The following ZNF148 variants were observed in gnomAD, a reference collection of about 807,000 sequenced individuals.
ZNF148 encodes zinc finger protein 148, also known as Beta-Enolase Repressor Factor-1.
In ZNF148, 7 loss-of-function variants were observed where a neutral mutation model predicts 67.7. The observed-to-expected ratio is 0.10, with a 90% confidence interval of 0.06 to 0.19. The LOEUF is 0.19. Among genes scored for constraint, ZNF148 ranks in the 10% least tolerant of loss-of-function variants. ZNF148 has a pLI of 1.00. For missense variants in ZNF148, 583 were observed against 947.1 expected (o/e 0.62, Z 5.05); for synonymous variants, 333 against 330.7 (o/e 1.01, Z -0.08).
rs1486816462 is a variant in ZNF148, at chr3:125,246,694, GATTATA to G, written c.668-12371_668-12366del. On this transcript the variant is annotated intron_variant, in intron 7 of 8. Transcript: ENST00000360647. ...TACATATTGATTATACGTACATACT[GATTATA>G]ATTATAACCATACTTACATATTGAT... 2.0e-5 allele frequency among the ~76,000 whole-genome samples: 3 copies of G among 152,176 alleles called. No homozygotes were observed. The East Asian group carries it at 5.8e-4, about 29-fold the overall frequency.
At chr3:125,299,221 T>C (rs996256439) in intron 4 of ZNF148, among the ~76,000 whole-genome samples, 6 of 152,244 alleles carry the variant, frequency 3.9e-5, no homozygotes, top group Admixed American at 3.9e-4. Context: ...CTACATACCC[T>C]GTCCTAAATG....
At chr3:125,240,328 G>C (rs1348156269) in intron 7 of ZNF148, among the ~76,000 whole-genome samples, 4 of 152,056 alleles carry the variant, frequency 2.6e-5, no homozygotes, top group Non-Finnish European at 5.9e-5. Context: ...ACACCCCCAA[G>C]CCACCGTCTC....
At chr3:125,300,560 C>T (rs972224495) in intron 4 of ZNF148, among the ~76,000 whole-genome samples, 2 of 152,248 alleles carry the variant, frequency 1.3e-5, no homozygotes, top group Admixed American at 6.5e-5. Context: ...CACGAAAATG[C>T]GTAACAGTAT....
At chr3:125,369,459 G>A (rs1005600021) in intron 1 of ZNF148, among the ~76,000 whole-genome samples, 1 of 138,824 alleles carries the variant, frequency 7.2e-6, no homozygotes, top group Non-Finnish European at 1.5e-5. Context: ...ACCATGTTTC[G>A]CTCACCTTTA....
At chr3:125,298,346 T>TACACACACACACACACACACACACACAC (rs141809192) in intron 4 of ZNF148, among the ~76,000 whole-genome samples, 170 of 145,752 alleles carry the variant, frequency 1.2e-3, no homozygotes, top group African/African-American at 3.5e-3. Flanking sequence ...TAAATGTGCA[T>TACACACACACACACACACACACACACAC]ACACACACAC....
chr3:125,267,183 G>A (rs1202524270), intron 7 of ZNF148, among the ~76,000 whole-genome samples: 1 of 150,912 alleles, frequency 6.6e-6, no homozygotes, highest in African/African-American at 2.4e-5. Flanking sequence ...AAAAATCAAG[G>A]AGAAGGGATT....
At chr3:125,309,731 G>A (rs1253988572) in intron 4 of ZNF148, among the ~76,000 whole-genome samples, 1 of 152,200 alleles carries the variant, frequency 6.6e-6, no homozygotes, top group Non-Finnish European at 1.5e-5. Context: ...CATCTCGTTT[G>A]GAAAGATCAC....
chr3:125,331,055 A>G, intron 2 of ZNF148, 103 bp downstream of exon 2: 1 of 397,856 alleles, frequency 2.5e-6, no homozygotes, highest in Non-Finnish European at 4.4e-6. Context: ...GGGATTGGCC[A>G]TAAATGCACA....
chr3:125,328,168 T>G (rs959725879), intron 2 of ZNF148, among the ~76,000 whole-genome samples: 2 of 152,100 alleles, frequency 1.3e-5, no homozygotes, highest in African/African-American at 4.8e-5. Context: ...AAAGTCAAAG[T>G]ATAAGTTAGA....
At chr3:125,313,962 T>C (rs1474809056) in intron 3 of ZNF148, among the ~76,000 whole-genome samples, 2 of 152,058 alleles carry the variant, frequency 1.3e-5, no homozygotes, top group Non-Finnish European at 2.9e-5. Context: ...TCCATATTCT[T>C]TAATATATTA....
intron 2 of ZNF148, among the ~76,000 whole-genome samples, chr3:125,325,921 G>A (rs530779412): frequency 5.9e-5 from 9 of 152,222 alleles, no homozygotes; most frequent in African/African-American, 1.4e-4. Flanking sequence ...CTTGAAAGCA[G>A]GAAGAGAATA....
At chr3:125,351,784 G>T (rs1467333752) in intron 1 of ZNF148, among the ~76,000 whole-genome samples, 2 of 152,130 alleles carry the variant, frequency 1.3e-5, no homozygotes, top group East Asian at 3.8e-4. Context: ...TGGCCAATAA[G>T]CAGATGAAAT....
intron 1 of ZNF148, among the ~76,000 whole-genome samples, chr3:125,331,763 C>T (rs564277522): frequency 2.0e-5 from 3 of 152,212 alleles, no homozygotes; most frequent in Non-Finnish European, 2.9e-5. Flanking sequence ...AATGGTCCAT[C>T]GATATTTTTT....
intron 3 of ZNF148, among the ~76,000 whole-genome samples, chr3:125,321,037 T>A (rs1178760768): frequency 1.3e-5 from 2 of 152,222 alleles, no homozygotes; most frequent in Non-Finnish European, 2.9e-5. Context: ...TTTGCTTTCA[T>A]CCTTGAAAAG....
At chr3:125,291,047 C>T (rs532480186) in intron 4 of ZNF148, among the ~76,000 whole-genome samples, 14 of 152,216 alleles carry the variant, frequency 9.2e-5, no homozygotes, top group African/African-American at 2.9e-4. Context: ...TGTTGCCAGA[C>T]ACAATGTGAT....
chr3:125,333,591 A>C (rs942477312), intron 1 of ZNF148, among the ~76,000 whole-genome samples: 1 of 152,222 alleles, frequency 6.6e-6, no homozygotes, highest in African/African-American at 2.4e-5. Context: ...ACAAAAAGAC[A>C]GATAGAAAAT....
In ZNF148 at chr3:125,326,725, TATAA is replaced by T. The variant is rs200382865; in HGVS notation, c.-152-3285_-152-3282del. ...GTATATATATCTTTTTATATATGTA[TATAA>T]ATATACATATTTATATGTATATATA... On this transcript the variant is annotated intron_variant, in intron 2 of 8. Coordinates refer to ENST00000360647, the MANE Select transcript of ZNF148 (RefSeq NM_021964.3). Among the ~76,000 whole-genome samples, 533 of 146,650 alleles carry T rather than the reference TATAA, an allele frequency of 3.6e-3. 22 individuals are homozygous for T. The East Asian group carries it at 0.089, about 24-fold the overall frequency.
intron 6 of ZNF148, among the ~76,000 whole-genome samples, chr3:125,278,081 T>G (rs1455231874): frequency 6.6e-6 from 1 of 152,154 alleles, no homozygotes; most frequent in Non-Finnish European, 1.5e-5. Context: ...AATTTAAAAT[T>G]GAATTTTAAC....
intron 4 of ZNF148, among the ~76,000 whole-genome samples, chr3:125,304,625 T>C (rs994002977): frequency 3.3e-5 from 5 of 152,134 alleles, no homozygotes; most frequent in Admixed American, 1.3e-4. Flanking sequence ...GCTGGACTTG[T>C]AATGGGAGGT....
Sources: gnomAD v4.1 joint callset for allele counts (sites outside exome capture counted in the v4.1 genomes callset) on GRCh38, gnomAD v4.1.1 for gene constraint, MANE v1.5 for transcripts, NCBI Gene and HGNC (gene_info 2026-07-23, HGNC 2026-07-21) for gene names.